Variants in AGBL4 observed in about 807,000 individuals in gnomAD.
AGBL4 encodes cytosolic carboxypeptidase 6.
In AGBL4, 58 loss-of-function variants were observed where a neutral mutation model predicts 66.4. The ratio of observed to expected loss-of-function variants is 0.87; its 90% CI spans 0.71 to 1.09. The LOEUF (loss-of-function observed/expected upper bound fraction) is 1.09. Among genes scored for constraint, AGBL4 ranks in the 50% least tolerant of loss-of-function variants. The pLI, the probability that AGBL4 is intolerant of heterozygous loss-of-function variation, is 0.00. For synonymous variants in AGBL4, 234 were observed against 222.9 expected, an observed-to-expected ratio of 1.05 and a Z score of -0.44; for missense variants, 579 against 631.0, an observed-to-expected ratio of 0.92 and a Z score of 0.88.
intron 4 of AGBL4, among the ~76,000 whole-genome samples, chr1:49,049,466 T>C (rs1449413573): frequency 6.6e-6 from 1 of 152,140 alleles, no homozygotes; most frequent in East Asian, 1.9e-4. Context: ...AGTAAATGGA[T>C]ATTTGGATAT....
intron 3 of AGBL4, among the ~76,000 whole-genome samples, chr1:49,531,729 G>C (rs1651156454): frequency 1.3e-5 from 2 of 152,032 alleles, no homozygotes; most frequent in South Asian, 4.1e-4. Context: ...TCACACATCT[G>C]TCAAGAGATG....
intron 1 of AGBL4, among the ~76,000 whole-genome samples, chr1:49,917,036 G>C (rs537985444): frequency 6.6e-6 from 1 of 152,264 alleles, no homozygotes; most frequent in Non-Finnish European, 1.5e-5. Context: ...AGCAAATGCT[G>C]AGAGATTTTG....
intron 3 of AGBL4, among the ~76,000 whole-genome samples, chr1:49,672,368 A>G (rs761800401): frequency 4.6e-5 from 7 of 152,152 alleles, no homozygotes; most frequent in Non-Finnish European, 1.0e-4. Context: ...GAGGAAGAGG[A>G]GCAGAAATAA....
At chr1:50,015,194 C>G (rs1287642495) in intron 1 of AGBL4, among the ~76,000 whole-genome samples, 1 of 152,142 alleles carries the variant, frequency 6.6e-6, no homozygotes, top group Non-Finnish European at 1.5e-5. Flanking sequence ...GTCCCTTATT[C>G]TAATCTAAGA....
intron 3 of AGBL4, among the ~76,000 whole-genome samples, chr1:49,487,343 T>C (rs1379542823): frequency 2.0e-5 from 3 of 151,962 alleles, no homozygotes; most frequent in African/African-American, 7.2e-5. Context: ...GGTAGGTGTC[T>C]GAGAAGTTTT....
intron 9 of AGBL4, among the ~76,000 whole-genome samples, chr1:48,592,167 G>A (rs974713064): frequency 2.0e-5 from 3 of 152,132 alleles, no homozygotes; most frequent in Non-Finnish European, 2.9e-5. Flanking sequence ...GAATAACGGG[G>A]ACTGACACTC....
intron 4 of AGBL4, among the ~76,000 whole-genome samples, chr1:49,061,890 T>C (rs1644408833): frequency 6.6e-6 from 1 of 152,106 alleles, no homozygotes; most frequent in Non-Finnish European, 1.5e-5. Flanking sequence ...CACAGGAGCC[T>C]ACCAACACTT....
chr1:49,119,650 G>A (rs1645609671), intron 4 of AGBL4, among the ~76,000 whole-genome samples: 1 of 152,170 alleles, frequency 6.6e-6, no homozygotes, highest in Non-Finnish European at 1.5e-5. Context: ...AGTGTTATGT[G>A]GTGCTGAGAA....
chr1:49,753,383 G>A (rs1380415018), intron 2 of AGBL4, among the ~76,000 whole-genome samples: 1 of 152,192 alleles, frequency 6.6e-6, no homozygotes, highest in African/African-American at 2.4e-5. Flanking sequence ...CTTTGAGAAT[G>A]TTGAATATTG....
chr1:48,810,601 C>T (rs1646026769), intron 6 of AGBL4, among the ~76,000 whole-genome samples: 1 of 152,160 alleles, frequency 6.6e-6, no homozygotes, highest in South Asian at 2.1e-4. Context: ...TAGCATAGTC[C>T]TGGGCATAAA....
intron 2 of AGBL4, among the ~76,000 whole-genome samples, chr1:49,712,238 C>A (rs1647728040): frequency 6.6e-6 from 1 of 151,836 alleles, no homozygotes; most frequent in Non-Finnish European, 1.5e-5. Flanking sequence ...AGGGTAAGAT[C>A]TCCTTTTTAA....
chr1:49,351,596 C>G (rs12067038), intron 3 of AGBL4, among the ~76,000 whole-genome samples: 1,981 of 152,134 alleles, frequency 0.013, 43 homozygotes, highest in African/African-American at 0.045. Flanking sequence ...AGGTCCCATT[C>G]CCTATCTTTA....
intron 4 of AGBL4, among the ~76,000 whole-genome samples, chr1:49,166,986 C>T (rs1646647213): frequency 6.6e-6 from 1 of 152,146 alleles, no homozygotes; most frequent in Admixed American, 6.5e-5. Flanking sequence ...GTGTCCACAA[C>T]AGTCTAGATG....
intron 4 of AGBL4, among the ~76,000 whole-genome samples, chr1:49,204,312 C>T (rs143528342): frequency 6.6e-6 from 1 of 152,116 alleles, no homozygotes; most frequent in Non-Finnish European, 1.5e-5. Context: ...GCTCTGTCAT[C>T]CAGGCTGGAG....
In AGBL4 at chr1:49,755,876, T is replaced by C. The variant is rs755396079; in HGVS notation, c.158-58439A>G. ...TTTCTAAAATGCAAACTTAACTATG[T>C]CACTCACCTCTTCAAATCCTTATTC... On this transcript the variant is annotated intron_variant, in intron 2 of 13. Coordinates refer to ENST00000371839, the MANE Select transcript of AGBL4 (RefSeq NM_032785.4). Among the ~76,000 whole-genome samples, 12 of 152,336 alleles carry C rather than the reference T, an allele frequency of 7.9e-5. No homozygotes were observed. In the South Asian group the frequency reaches 1.4e-3, roughly 18 times the overall value.
intron 11 of AGBL4, among the ~76,000 whole-genome samples, chr1:48,552,217 C>T (rs1644259335): frequency 6.6e-6 from 1 of 152,068 alleles, no homozygotes; most frequent in South Asian, 2.1e-4. Flanking sequence ...GTGTGTGCCA[C>T]CATGCCCGGC....
chr1:48,729,357 G>A (rs1647721798), intron 6 of AGBL4, among the ~76,000 whole-genome samples: 1 of 152,164 alleles, frequency 6.6e-6, no homozygotes, highest in South Asian at 2.1e-4. Flanking sequence ...ACTAGGGCGT[G>A]GGTGGTGAAT....
At chr1:48,656,337 T>C (rs1359105261) in intron 7 of AGBL4, among the ~76,000 whole-genome samples, 2 of 152,226 alleles carry the variant, frequency 1.3e-5, no homozygotes, top group Non-Finnish European at 2.9e-5. Context: ...TAAACGCCTA[T>C]TGATGGATTG....
intron 1 of AGBL4, among the ~76,000 whole-genome samples, chr1:49,993,383 A>C (rs1235745660): frequency 6.6e-6 from 1 of 152,160 alleles, no homozygotes; most frequent in Admixed American, 6.5e-5. Context: ...TGAGTTTTTA[A>C]TTTAAACTCT....
Sources: gnomAD v4.1 joint callset for allele counts (sites outside exome capture counted in the v4.1 genomes callset) on GRCh38, gnomAD v4.1.1 for gene constraint, MANE v1.5 for transcripts, NCBI Gene and HGNC (gene_info 2026-07-23, HGNC 2026-07-21) for gene names.